Variants in GABRA3 observed in about 807,000 individuals in gnomAD.
GABRA3 encodes the protein gamma-aminobutyric acid receptor subunit alpha-3.
GABRA3 carries 10 observed loss-of-function variants against 30.1 expected under a neutral mutation model. The ratio of observed to expected loss-of-function variants is 0.33; its 90% CI spans 0.20 to 0.56. The LOEUF (loss-of-function observed/expected upper bound fraction) is 0.56, where lower values mean the gene tolerates loss of function less well. Ranked by LOEUF, GABRA3 falls within the 20% of genes least tolerant of loss-of-function variation. The pLI is 0.89. For missense variants in GABRA3, 233 were observed against 392.0 expected, an observed-to-expected ratio of 0.59 and a Z score of 3.42; for synonymous variants, 151 against 146.8, an observed-to-expected ratio of 1.03 and a Z score of -0.21.
rs963897939 is a variant in GABRA3, at chrX:152,412,830, G to A, written c.-27+38316C>T. Among the ~76,000 whole-genome samples, 64 of 111,115 alleles carry A rather than the reference G, an allele frequency of 5.8e-4. 1 individual carries two copies. The highest frequency in any genetic ancestry group is 1.9e-3 in the African/African-American group (59 of 30,628). ...TGAATGTATTAAATGTCACTGAAAC[G>A]TACACTTTAAAATGGTTTAAAAAAG... is the stretch of plus-strand genomic sequence containing the variant. On this transcript the variant is annotated intron_variant, in intron 1 of 9. Coordinates refer to ENST00000370314, the MANE Select transcript of GABRA3 (RefSeq NM_000808.4).
chrX:152,311,489 G>C (rs1282400952), intron 3 of GABRA3, among the ~76,000 whole-genome samples: 2 of 112,069 alleles, frequency 1.8e-5, no homozygotes, highest in African/African-American at 3.2e-5. Flanking sequence ...AACAGCTTTT[G>C]ATAAAATTCA....
chrX:152,441,500 G>T (rs181345030), intron 1 of GABRA3, among the ~76,000 whole-genome samples: 4 of 111,607 alleles, frequency 3.6e-5, no homozygotes, highest in African/African-American at 9.8e-5. Context: ...TAAAATTAAG[G>T]TAAGTGAGGA....
At chrX:152,206,420 G>T (rs898188621) in intron 7 of GABRA3, among the ~76,000 whole-genome samples, 2 of 112,117 alleles carry the variant, frequency 1.8e-5, no homozygotes, top group African/African-American at 6.5e-5. Context: ...TGAGGGGACA[G>T]GAGGGTGTGT....
At chrX:152,415,413 C>T (rs901341200) in intron 1 of GABRA3, among the ~76,000 whole-genome samples, 10 of 111,162 alleles carry the variant, frequency 9.0e-5, no homozygotes, top group African/African-American at 3.3e-4. Context: ...CAAACTGACA[C>T]AACCATAGAG....
At chrX:152,320,786 C>T (rs1263214402) in intron 3 of GABRA3, among the ~76,000 whole-genome samples, 1 of 111,284 alleles carries the variant, frequency 9.0e-6, no homozygotes, top group Admixed American at 9.6e-5. Context: ...GAAGGATATC[C>T]AGCATATCTG....
At chrX:152,305,927 G>T (rs778465154) in intron 3 of GABRA3, among the ~76,000 whole-genome samples, 1 of 111,478 alleles carries the variant, frequency 9.0e-6, no homozygotes, top group African/African-American at 3.2e-5. Flanking sequence ...AAGAATGAAT[G>T]ATTTTAAAAT....
At chrX:152,274,134 G>A (rs1938998732) in intron 4 of GABRA3, among the ~76,000 whole-genome samples, 1 of 111,385 alleles carries the variant, frequency 9.0e-6, no homozygotes, top group South Asian at 3.8e-4. Flanking sequence ...GGAGTATCTT[G>A]AGTGGAAAAA....
At chrX:152,225,378 C>T (rs1366386460) in intron 5 of GABRA3, among the ~76,000 whole-genome samples, 1 of 102,050 alleles carries the variant, frequency 9.8e-6, no homozygotes, top group African/African-American at 3.6e-5. Flanking sequence ...TCTTGAGGAA[C>T]ACACACACAC....
At chrX:152,248,059 C>T (rs1370488954) in intron 5 of GABRA3, among the ~76,000 whole-genome samples, 1 of 111,030 alleles carries the variant, frequency 9.0e-6, no homozygotes, top group Non-Finnish European at 1.9e-5. Context: ...CTATTGAAAA[C>T]GTCTCTCATT....
At position 152,269,115 on chromosome X, in the gene GABRA3, C is replaced by A. The variant is rs955773966; in HGVS notation, c.331-13117G>T. On this transcript the variant is annotated intron_variant, in intron 4 of 9. Transcript: ENST00000370314. ...TATACCTAGAAATACCTAAAGACTC[C>A]AACAAAAAATTGTTAGTACTGATAA... 2.7e-5 allele frequency among the ~76,000 whole-genome samples: 3 copies of A among 111,454 alleles called. No homozygotes were observed. The East Asian group carries it at 8.4e-4, about 31-fold the overall frequency.
intron 3 of GABRA3, among the ~76,000 whole-genome samples, chrX:152,332,423 A>G (rs1283202458): frequency 1.8e-5 from 2 of 111,953 alleles, no homozygotes; most frequent in African/African-American, 3.2e-5. Context: ...CCTTGTGTTC[A>G]TTATTTCAGT....
chrX:152,189,736 C>T lies in GABRA3; in HGVS notation c.1137G>A (p.Glu379=). Residue 379 remains glutamate (E), a synonymous_variant, in exon 9 of 10, where the codon GAG becomes GAA. Transcript: ENST00000370314. ...WEGKKVPEAL[E]MKKKTPAAPA... is the part of the protein sequence containing the mutation. ...CTCTTTTGCTATATCTCACCTTCAT[C>T]TCCAGGGCCTCTGGCACCTTCTTGC... 1 of 1,201,656 alleles carries T rather than the reference C, an allele frequency of 8.3e-7. No homozygotes were observed. Among genetic ancestry groups the T allele is most frequent in the African/African-American group, 1.7e-5 (1 of 57,557 alleles).
chrX:152,169,154 G>A (rs1420722761), intron 9 of GABRA3, among the ~76,000 whole-genome samples: 2 of 112,405 alleles, frequency 1.8e-5, no homozygotes, highest in Admixed American at 9.4e-5. Context: ...CCAGAAGGCC[G>A]TGACCATCAA....
At chrX:152,406,571 AAT>A (rs61577907) in intron 1 of GABRA3, among the ~76,000 whole-genome samples, 16,711 of 95,412 alleles carry the variant, frequency 0.18, 2,040 homozygotes, top group East Asian at 0.49. Flanking sequence ...CTAACACTGG[AAT>A]ATATATATAT....
At chrX:152,353,068 A>C (rs1448746556) in intron 2 of GABRA3, among the ~76,000 whole-genome samples, 1 of 108,233 alleles carries the variant, frequency 9.2e-6, no homozygotes, top group Non-Finnish European at 1.9e-5. Context: ...TGCTTGAAGA[A>C]AAAAAAAAAG....
intron 4 of GABRA3, among the ~76,000 whole-genome samples, chrX:152,278,603 A>T (rs1272020387): frequency 1.8e-5 from 2 of 111,663 alleles, no homozygotes; most frequent in African/African-American, 6.5e-5. Flanking sequence ...AGTATGATGT[A>T]TATTCCTTTG....
intron 9 of GABRA3, among the ~76,000 whole-genome samples, chrX:152,182,194 A>G (rs965804666): frequency 1.8e-5 from 2 of 108,335 alleles, no homozygotes; most frequent in African/African-American, 6.7e-5. Context: ...TTATATATTT[A>G]CACATGTTGA....
chrX:152,237,368 T>A (rs1390551001), intron 5 of GABRA3, among the ~76,000 whole-genome samples: 2 of 107,063 alleles, frequency 1.9e-5, no homozygotes, highest in Non-Finnish European at 3.8e-5. Flanking sequence ...TCTGTTTTGG[T>A]ACCAGTACCA....
At chrX:152,321,903 C>T (rs1939970378) in intron 3 of GABRA3, among the ~76,000 whole-genome samples, 1 of 111,073 alleles carries the variant, frequency 9.0e-6, no homozygotes, top group Admixed American at 9.6e-5. Context: ...CTCCTCTCCT[C>T]TCCATCAAAA....
Sources: allele counts gnomAD v4.1 joint callset (sites outside exome capture counted in the v4.1 genomes callset), GRCh38; gene constraint gnomAD v4.1.1; transcripts MANE v1.5; gene names NCBI Gene and HGNC (gene_info 2026-07-23, HGNC 2026-07-21).